Variants in INPP1 observed in about 807,000 individuals in gnomAD.
INPP1 encodes inositol polyphosphate 1-phosphatase.
In INPP1, 18 loss-of-function variants were observed where a neutral mutation model predicts 23.0. The observed-to-expected ratio is 0.78, with a 90% CI of 0.54 to 1.16. The LOEUF is 1.16. Ranked by LOEUF, INPP1 falls within the 50% of genes most tolerant of loss-of-function variation. The pLI, the probability that INPP1 is intolerant of heterozygous loss-of-function variation, is 0.00. For missense variants in INPP1, 448 were observed against 482.1 expected (o/e 0.93, Z 0.66); for synonymous variants, 164 against 176.3 (o/e 0.93, Z 0.55).
chr2:190,360,075 AGCT>A lies in INPP1; in HGVS notation c.-25_-23del. On this transcript the variant is annotated 5_prime_UTR_variant, in exon 3 of 7. Transcript: ENST00000392329. ...GAGGGTGGGTGCCAATTCCACCAGC[AGCT>A]GCAACTGAAAAGCAAGGTTCAGAAA... 1.2e-6 allele frequency: 2 copies of A among 1,607,816 alleles called. No homozygotes were observed. Among genetic ancestry groups the A allele is most frequent in the Non-Finnish European group, 1.7e-6 (2 of 1,176,134 alleles).
At chr2:190,360,996 A>G (rs1357894427) in intron 3 of INPP1, among the ~76,000 whole-genome samples, 2 of 152,230 alleles carry the variant, frequency 1.3e-5, no homozygotes, top group African/African-American at 2.4e-5. Context: ...AAACCGTATT[A>G]ATAAGTAGAA....
intron 3 of INPP1, 56 bp downstream of exon 3, chr2:190,360,362 C>T (rs1689512648): frequency 6.6e-7 from 1 of 1,505,808 alleles, no homozygotes; most frequent in South Asian, 1.2e-5. Context: ...TGGCTTTCTC[C>T]ATCATAGAAT....
At chr2:190,349,866 GAC>G (rs1689293630) in intron 2 of INPP1, among the ~76,000 whole-genome samples, 2 of 152,172 alleles carry the variant, frequency 1.3e-5, no homozygotes, top group Admixed American at 1.3e-4. Context: ...TTGTTTTTGA[GAC>G]AGAGTTCACC....
intron 1 of INPP1, among the ~76,000 whole-genome samples, chr2:190,348,138 AAAAACAAAAC>A (rs562810000): frequency 2.2e-4 from 33 of 152,286 alleles, no homozygotes; most frequent in African/African-American, 4.6e-4. Context: ...ACTCTGTCTC[AAAAACAAAAC>A]AAAACAAAAC....
Position 190,355,742 on chromosome 2 carries a change from G to T in INPP1, c.-64-4297G>T, listed in dbSNP as rs1689408867. Among the ~76,000 whole-genome samples the T allele has an allele frequency of 6.6e-6, 1 of 152,128 alleles. No homozygotes were observed. The highest frequency in any genetic ancestry group is 2.1e-4 in the South Asian group (1 of 4,816). ...TAATTTTTATTTAAAGTACAGTGTT[G>T]AAATAAAGTGGTCTTAGGTGAATGA... On this transcript the variant is annotated intron_variant, in intron 2 of 6. Coordinates refer to ENST00000392329, the MANE Select transcript of INPP1 (RefSeq NM_001128928.2). This position sits in a 1 kb window ranked among gnomAD's most constrained non-coding sequence, Gnocchi z 5.1.
Position 190,356,788 on chromosome 2 carries a change from G to A in INPP1, c.-64-3251G>A, listed in dbSNP as rs1358986679. ...AAAGCTTTCAAATCGGACTCCTTGA[G>A]ATCTTCACGCTACTGTTAAGGTAAA... On this transcript the variant is annotated intron_variant, in intron 2 of 6. Transcript: ENST00000392329. This position sits in a 1 kb window ranked among gnomAD's most constrained non-coding sequence, Gnocchi z 6.4. The A allele has an allele frequency of 1.3e-5, 2 of 152,158 alleles. No homozygotes were observed. The highest frequency in any genetic ancestry group is 6.5e-5 in the Admixed American group (1 of 15,274). The allele number at this position is 152,158 out of a possible 1,614,324, so 9.4% of individuals were successfully genotyped here. A position where few individuals can be genotyped will look rare whatever the true frequency, so the allele number is the denominator to read the frequency against.
In INPP1 at chr2:190,371,235, G is replaced by GGGC; in HGVS notation, c.1034_1036dup (p.Gly345_Leu346insArg). On this transcript the variant is annotated inframe_insertion, in exon 7 of 7. Transcript: ENST00000392329. This position sits in a 1 kb window ranked among gnomAD's most constrained non-coding sequence, Gnocchi z 5.3. ...ATGCTTAGAAAGAAATCCAGAAACA[G>GGGC]GGCTTGATTTGCCACAGTTGGTGTA... 2 of 1,613,320 alleles carry GGGC rather than the reference G, an allele frequency of 1.2e-6. No individual in the cohort carries two copies. The highest frequency in any genetic ancestry group is 1.7e-6 in the Non-Finnish European group (2 of 1,179,474).
rs527525200 is a variant in INPP1, at chr2:190,352,626, C to T, written c.-65+3595C>T. On this transcript the variant is annotated intron_variant, in intron 2 of 6. Transcript: ENST00000392329. The surrounding 1 kb of genome is among the most constrained non-coding windows in gnomAD (Gnocchi z 4.7). ...CACTTCCATTCCCCTGTCCCTTCTG[C>T]ACAAACAACCTCCAATCTTTAAAAC... Among the ~76,000 whole-genome samples the T allele has an allele frequency of 2.0e-4, 31 of 152,280 alleles. No homozygotes were observed. Among genetic ancestry groups the T allele is most frequent in the African/African-American group, 7.5e-4 (31 of 41,556 alleles).
intron 4 of INPP1, among the ~76,000 whole-genome samples, chr2:190,366,081 G>A (rs1346984972): frequency 1.9e-5 from 2 of 104,624 alleles, no homozygotes. Context: ...CTTTCACTCT[G>A]TCTCTCTCAG....
Position 190,369,187 on chromosome 2 carries a change from T to C in INPP1, c.551T>C (p.Ile184Thr), listed in dbSNP as rs1191088229. The change falls in exon 6 of 7, where the codon ATT (isoleucine) becomes ACT (threonine). Residue 184 changes from isoleucine to threonine, a missense_variant. By Grantham distance (89) the Ile-to-Thr change is moderately conservative. Transcript: ENST00000392329. ...IFPCGLQCVTILIGVYDIQTG... is the reference protein window; with the variant it reads ...IFPCGLQCVTTLIGVYDIQTG... The stretch of plus-strand genomic sequence containing the variant: ...CCCTGTGGACTTCAGTGTGTCACCA[T>C]TTTAATTGGTGTCTATGACATACAG... 1.2e-6 allele frequency: 2 copies of C among 1,607,274 alleles called. No homozygotes were observed. The highest frequency in any genetic ancestry group is 4.5e-5 in the East Asian group (2 of 44,760).
rs753321087 is a variant in INPP1 at position 190,370,998 on chromosome 2, A to G, written c.796A>G (p.Thr266Ala). 15 of 1,614,112 alleles carry G rather than the reference A, an allele frequency of 9.3e-6. No homozygotes were observed. The highest frequency in any genetic ancestry group is 1.3e-5 in the Non-Finnish European group (15 of 1,180,044). Residue 266 changes from threonine (T) to alanine (A), a missense_variant, in exon 7 of 7, where the codon ACA (threonine) becomes GCA (alanine). By Grantham distance (58) the Thr-to-Ala change is moderately conservative. Coordinates refer to ENST00000392329, the MANE Select transcript of INPP1 (RefSeq NM_001128928.2). ...CCCCAGTTTTTCAGCCGTAATTAGT[A>G]CAAGTGAAAAGGAGACTATCAAAGC... is the stretch of plus-strand genomic sequence containing the variant. The part of the protein sequence containing the change: ...FSPSFSAVIS[T>A]SEKETIKAAL...
intron 3 of INPP1, among the ~76,000 whole-genome samples, 199 bp downstream of exon 3, chr2:190,360,505 AG>A (rs1414328617): frequency 6.6e-6 from 1 of 152,222 alleles, no homozygotes; most frequent in Non-Finnish European, 1.5e-5. Flanking sequence ...TTTAAAATAC[AG>A]AAAATGAAAT....
At chr2:190,360,422 C>G (rs1372053852) in intron 3 of INPP1, 116 bp downstream of exon 3, 2 of 743,242 alleles carry the variant, frequency 2.7e-6, no homozygotes, top group African/African-American at 3.6e-5. Context: ...ACCTTGATTT[C>G]AAGTAAACAT....
Position 190,352,385 on chromosome 2 carries a change from T to C in INPP1, c.-65+3354T>C, listed in dbSNP as rs887325790. ...GTCCCAAACTGTAATATTTATTGGATCCTGAGAAATGTTTGACAGTCAAAT... is the reference window on the plus strand; with the variant it reads ...GTCCCAAACTGTAATATTTATTGGACCCTGAGAAATGTTTGACAGTCAAAT... On this transcript the variant is annotated intron_variant, in intron 2 of 6. Coordinates refer to ENST00000392329, the MANE Select transcript of INPP1 (RefSeq NM_001128928.2). The surrounding 1 kb of genome is among the most constrained non-coding windows in gnomAD (Gnocchi z 4.7). Among the ~76,000 whole-genome samples the C allele has an allele frequency of 3.9e-5, 6 of 152,170 alleles. No individual in the cohort carries two copies. Among genetic ancestry groups the C allele is most frequent in the Non-Finnish European group, 8.8e-5 (6 of 68,032 alleles).
At chr2:190,358,696 T>C (rs941943310) in intron 2 of INPP1, among the ~76,000 whole-genome samples, 7 of 152,314 alleles carry the variant, frequency 4.6e-5, no homozygotes, top group African/African-American at 1.7e-4. Flanking sequence ...ATAATTCTCA[T>C]GAGATAGGAA....
At chr2:190,358,873 C>G (rs912295184) in intron 2 of INPP1, among the ~76,000 whole-genome samples, 59 of 152,204 alleles carry the variant, frequency 3.9e-4, no homozygotes, top group African/African-American at 1.4e-3. Flanking sequence ...CCTCATTATT[C>G]AACCGTTTAC....
Position 190,367,532 on chromosome 2 carries a change from TA to T in INPP1, c.466+639del, listed in dbSNP as rs1230299199. On this transcript the variant is annotated intron_variant, in intron 5 of 6. Transcript: ENST00000392329. The surrounding 1 kb of genome is among the most constrained non-coding windows in gnomAD (Gnocchi z 4.1). ...ATGATTGTGATAGAACCATAATGTA[TA>T]ATCCATTGTTTTGAAAATGTAACCC... Among the ~76,000 whole-genome samples, 2 of 152,210 alleles carry T rather than the reference TA, an allele frequency of 1.3e-5. No individual in the cohort carries two copies.
intron 2 of INPP1, among the ~76,000 whole-genome samples, chr2:190,358,369 G>C (rs373623382): frequency 6.6e-6 from 1 of 151,830 alleles, no homozygotes; most frequent in African/African-American, 2.4e-5. Context: ...GAGCCACTGC[G>C]CCCAGTCCCG....
chr2:190,360,874 C>T (rs1422876733), intron 3 of INPP1, among the ~76,000 whole-genome samples: 1 of 151,960 alleles, frequency 6.6e-6, no homozygotes, highest in African/African-American at 2.4e-5. Context: ...TAGCTGGAGA[C>T]TTAAAGTCTC....
Sources: allele counts gnomAD v4.1 joint callset (sites outside exome capture counted in the v4.1 genomes callset), GRCh38; gene constraint gnomAD v4.1.1; non-coding constraint Gnocchi (gnomAD v3.1); transcripts MANE v1.5; gene names NCBI Gene and HGNC (gene_info 2026-07-23, HGNC 2026-07-21).